FAM135B: variants seen among roughly 807,000 people sequenced by gnomAD.
FAM135B encodes protein FAM135B.
In FAM135B, 43 loss-of-function variants were observed where a neutral mutation model predicts 127.7. That is an observed-to-expected ratio of 0.34 (90% CI 0.26 to 0.43). FAM135B has a LOEUF of 0.43. FAM135B is among the 20% of genes least tolerant of loss of function. FAM135B has a pLI of 1.00. For synonymous variants in FAM135B, 670 were observed against 665.1 expected (o/e 1.01, Z -0.11); for missense variants, 1,558 against 1,725.6 (o/e 0.90, Z 1.72).
chr8:138,195,402 T>G, intron 8 of FAM135B, 95 bp from the exon 9 acceptor site: 1 of 1,185,870 alleles, frequency 8.4e-7, no homozygotes, highest in Non-Finnish European at 1.3e-6. Flanking sequence ...CACATTGGCA[T>G]TAACGTCACA....
At chr8:138,407,281 T>C (rs1029976660) in intron 1 of FAM135B, among the ~76,000 whole-genome samples, 3 of 151,920 alleles carry the variant, frequency 2.0e-5, no homozygotes, top group African/African-American at 7.2e-5. Context: ...TGGAAGAACA[T>C]TCCATGCTCA....
At chr8:138,234,958 T>A (rs1426513281) in intron 7 of FAM135B, among the ~76,000 whole-genome samples, 2 of 152,232 alleles carry the variant, frequency 1.3e-5, no homozygotes, top group African/African-American at 2.4e-5. Context: ...GCCTCCTTCA[T>A]CCATAAAACA....
intron 1 of FAM135B, among the ~76,000 whole-genome samples, chr8:138,455,356 G>T (rs1378119530): frequency 6.6e-6 from 1 of 152,066 alleles, no homozygotes; most frequent in Non-Finnish European, 1.5e-5. Context: ...ATTAACCAGG[G>T]TTTCATATTC....
intron 5 of FAM135B, among the ~76,000 whole-genome samples, chr8:138,251,614 C>A (rs1172415504): frequency 6.6e-6 from 1 of 152,216 alleles, no homozygotes; most frequent in African/African-American, 2.4e-5. Flanking sequence ...TGACTAGTTT[C>A]ATCAAGGATT....
chr8:138,225,288 T>A (rs997768026), intron 7 of FAM135B, among the ~76,000 whole-genome samples: 8 of 151,962 alleles, frequency 5.3e-5, no homozygotes, highest in African/African-American at 1.9e-4. Context: ...AGGAAAGATA[T>A]GGATCTCTCT....
chr8:138,269,285 C>T (rs1439221816), intron 3 of FAM135B, among the ~76,000 whole-genome samples: 1 of 152,212 alleles, frequency 6.6e-6, no homozygotes, highest in African/African-American at 2.4e-5. Context: ...GTGTGGAATA[C>T]AAAATACAGG....
intron 3 of FAM135B, among the ~76,000 whole-genome samples, chr8:138,290,007 A>C (rs910008086): frequency 3.3e-5 from 5 of 152,220 alleles, no homozygotes; most frequent in African/African-American, 1.2e-4. Flanking sequence ...CCAAATGTGG[A>C]GCCTAAAAAC....
intron 2 of FAM135B, among the ~76,000 whole-genome samples, chr8:138,349,096 G>A (rs1454402668): frequency 1.3e-5 from 2 of 152,208 alleles, no homozygotes; most frequent in East Asian, 3.9e-4. Context: ...TGGGACTTTC[G>A]TGGTCTTAGC....
At chr8:138,338,156 C>G (rs1302460502) in intron 2 of FAM135B, among the ~76,000 whole-genome samples, 2 of 152,090 alleles carry the variant, frequency 1.3e-5, no homozygotes, top group African/African-American at 4.8e-5. Flanking sequence ...CATAAAAACC[C>G]TAGAAGAAAA....
intron 1 of FAM135B, among the ~76,000 whole-genome samples, chr8:138,424,488 TA>T (rs1834725047): frequency 6.6e-6 from 1 of 152,178 alleles, no homozygotes; most frequent in African/African-American, 2.4e-5. Flanking sequence ...CACAAATGGG[TA>T]TCTACTTTAA....
intron 2 of FAM135B, among the ~76,000 whole-genome samples, chr8:138,341,112 T>C (rs1050740181): frequency 3.9e-5 from 6 of 152,206 alleles, no homozygotes; most frequent in African/African-American, 1.4e-4. Context: ...TTTTGCATAC[T>C]CATGTTCACT....
At chr8:138,418,014 G>C (rs1427093917) in intron 1 of FAM135B, among the ~76,000 whole-genome samples, 1 of 152,026 alleles carries the variant, frequency 6.6e-6, no homozygotes, top group African/African-American at 2.4e-5. Flanking sequence ...CAAGTTTCAG[G>C]AGAAAGTTGA....
chr8:138,273,266 C>T (rs557049120), intron 3 of FAM135B, among the ~76,000 whole-genome samples: 203 of 152,274 alleles, frequency 1.3e-3, no homozygotes, highest in African/African-American at 4.7e-3. Flanking sequence ...AGTGCAGTGG[C>T]GTGATCTTGG....
chr8:138,460,346 G>C (rs1221084950), intron 1 of FAM135B, among the ~76,000 whole-genome samples: 1 of 152,200 alleles, frequency 6.6e-6, no homozygotes, highest in Non-Finnish European at 1.5e-5. Flanking sequence ...CTATGCTGCA[G>C]TGCCTGAGAC....
At chr8:138,133,421 AATAG>A (rs1219251095) in intron 19 of FAM135B, among the ~76,000 whole-genome samples, 1 of 152,234 alleles carries the variant, frequency 6.6e-6, no homozygotes, top group African/African-American at 2.4e-5. Context: ...ATTGCTGAAC[AATAG>A]ATAGATTTGC....
At position 138,250,847 on chromosome 8, in the gene FAM135B, A is replaced by C. The variant is rs1316568864; in HGVS notation, c.536T>G (p.Leu179Trp). The change falls in exon 6 of 20, where the codon TTG becomes TGG. Residue 179 changes from leucine to tryptophan, a missense_variant. Physicochemically the swap from Leu to Trp is moderately conservative, Grantham distance 61. Transcript: ENST00000395297. ...CTGCCTCTGAACTTCATACCTGATC[A>C]ATGGCTGCTGCAGAGCCACCAGGGC... ...HAALVALQQP[L>W]ISFTRPGRGS... The C allele has an allele frequency of 1.2e-6, 2 of 1,613,664 alleles. No homozygotes were observed. Among genetic ancestry groups the C allele is most frequent in the Admixed American group, 3.3e-5 (2 of 59,998 alleles).
At chr8:138,186,395 T>TA (rs1403890942) in intron 9 of FAM135B, among the ~76,000 whole-genome samples, 2 of 152,182 alleles carry the variant, frequency 1.3e-5, no homozygotes, top group African/African-American at 4.8e-5. Context: ...TGCAGAGCTC[T>TA]ATGTCTTCAA....
intron 3 of FAM135B, among the ~76,000 whole-genome samples, chr8:138,295,450 T>C (rs1480758851): frequency 6.6e-6 from 1 of 151,962 alleles, no homozygotes; most frequent in Non-Finnish European, 1.5e-5. Context: ...TAAAACATAG[T>C]CCCTGACTTC....
upstream of FAM135B, among the ~76,000 whole-genome samples, chr8:138,497,470 C>G (rs1163029081): frequency 6.6e-6 from 1 of 152,144 alleles, no homozygotes; most frequent in Non-Finnish European, 1.5e-5. Flanking sequence ...CCTCTCGAGC[C>G]AAGACCCCAG....
Sources: allele counts gnomAD v4.1 joint callset (sites outside exome capture counted in the v4.1 genomes callset), GRCh38; gene constraint gnomAD v4.1.1; transcripts MANE v1.5; gene names NCBI Gene and HGNC (gene_info 2026-07-23, HGNC 2026-07-21).